The following NRXN1 variants were observed in gnomAD, a reference collection of about 807,000 sequenced individuals.
NRXN1 encodes the protein neurexin 1.
A neutral mutation model predicts 150.9 loss-of-function variants in NRXN1; 39 were observed. That is an observed-to-expected ratio of 0.26 (90% CI 0.20 to 0.34). The LOEUF (loss-of-function observed/expected upper bound fraction) is 0.34. Ranked by LOEUF, NRXN1 falls within the 10% of genes least tolerant of loss-of-function variation. The pLI is 1.00. For synonymous variants in NRXN1, 924 were observed against 757.0 expected (o/e 1.22, Z -3.62); for missense variants, 1,815 against 1,949.9 (o/e 0.93, Z 1.30).
chr2:50,392,763 A>G (rs2081808042), intron 17 of NRXN1, among the ~76,000 whole-genome samples: 1 of 152,088 alleles, frequency 6.6e-6, no homozygotes, highest in African/African-American at 2.4e-5. Flanking sequence ...AAGTTTTCAA[A>G]TGGGTATCCT....
chr2:49,983,360 TACTC>T (rs1355774266), intron 21 of NRXN1, among the ~76,000 whole-genome samples: 73 of 152,316 alleles, frequency 4.8e-4, no homozygotes, highest in African/African-American at 1.6e-3. Context: ...GTCAATGTGA[TACTC>T]AAGTCAAAAT....
At chr2:50,520,111 C>T (rs1199397204) in intron 12 of NRXN1, among the ~76,000 whole-genome samples, 1 of 151,784 alleles carries the variant, frequency 6.6e-6, no homozygotes, top group Non-Finnish European at 1.5e-5. Flanking sequence ...GTATTATGTG[C>T]TATAAGGGCA....
At chr2:50,874,391 A>C in intron 5 of NRXN1, among the ~76,000 whole-genome samples, 1 of 151,724 alleles carries the variant, frequency 6.6e-6, no homozygotes, top group East Asian at 2.0e-4. Context: ...TAAAATGGGC[A>C]TTTTTCCATC....
intron 17 of NRXN1, among the ~76,000 whole-genome samples, chr2:50,264,729 G>C (rs1218391388): frequency 6.6e-6 from 1 of 151,952 alleles, no homozygotes; most frequent in Admixed American, 6.6e-5. Context: ...ACAGATTTTT[G>C]AGTGTTCTGT....
At chr2:50,961,580 T>A (rs1194633217) in intron 2 of NRXN1, among the ~76,000 whole-genome samples, 1 of 151,790 alleles carries the variant, frequency 6.6e-6, no homozygotes, top group Non-Finnish European at 1.5e-5. Flanking sequence ...AATACTTAAA[T>A]CTAGGAAGTT....
intron 21 of NRXN1, among the ~76,000 whole-genome samples, chr2:50,000,968 A>G (rs1401900134): frequency 6.6e-6 from 1 of 152,186 alleles, no homozygotes; most frequent in African/African-American, 2.4e-5. Flanking sequence ...AATTTCAGAT[A>G]AGATAAAAGT....
At chr2:49,940,978 T>C (rs1320570069) in intron 22 of NRXN1, among the ~76,000 whole-genome samples, 1 of 152,104 alleles carries the variant, frequency 6.6e-6, no homozygotes, top group Non-Finnish European at 1.5e-5. Flanking sequence ...AAAGTTAAAC[T>C]AGGCTTGGTA....
chr2:50,619,888 A>T, intron 8 of NRXN1, 134 bp downstream of exon 8: 1 of 731,584 alleles, frequency 1.4e-6, no homozygotes. Flanking sequence ...CTACATAAAC[A>T]ATAGTAGAAT....
At chr2:50,049,083 T>C (rs746716294) in intron 21 of NRXN1, among the ~76,000 whole-genome samples, 2 of 152,162 alleles carry the variant, frequency 1.3e-5, no homozygotes, top group Non-Finnish European at 1.5e-5. Flanking sequence ...ATTATTCTTA[T>C]GAAGTATGCT....
At chr2:50,069,847 G>A (rs113198239) in intron 19 of NRXN1, among the ~76,000 whole-genome samples, 2 of 63,852 alleles carry the variant, frequency 3.1e-5, no homozygotes, top group African/African-American at 1.0e-4. Context: ...GATTTTGGGG[G>A]TTTTTTTTTT....
In NRXN1 at chr2:50,845,880, A is replaced by G. The variant is rs146820710; in HGVS notation, c.832+75989T>C. ...TGAGGGAAAAAAAACCAGAAAATTT[A>G]TGTGAAAGCTCACTTTGACTGACAA... On this transcript the variant is annotated intron_variant, in intron 5 of 22. Transcript: ENST00000401669. Among the ~76,000 whole-genome samples the G allele has an allele frequency of 5.1e-3, 773 of 152,326 alleles. 7 individuals carry two copies. The highest frequency in any genetic ancestry group is 0.018 in the African/African-American group (737 of 41,580).
At chr2:50,743,710 C>T (rs1416901825) in intron 5 of NRXN1, among the ~76,000 whole-genome samples, 1 of 152,128 alleles carries the variant, frequency 6.6e-6, no homozygotes, top group African/African-American at 2.4e-5. Flanking sequence ...ACTACAGTCC[C>T]ATCTTCTCCT....
chr2:50,063,353 G>A (rs1363039), intron 19 of NRXN1, among the ~76,000 whole-genome samples: 113,206 of 152,024 alleles, frequency 0.74, 43,091 homozygotes, highest in African/African-American at 0.91. Flanking sequence ...TGTAAAAGCC[G>A]AATACACATA....
chr2:50,620,003 T>C lies in NRXN1; in HGVS notation c.1320+19A>G, dbSNP rs201399154. ...TGAGACCATGAATTAGGAATGATTCTGATGGCAACGATATTTACCTCTTTG... is the reference window on the plus strand; with the variant it reads ...TGAGACCATGAATTAGGAATGATTCCGATGGCAACGATATTTACCTCTTTG... On this transcript the variant is annotated intron_variant, in intron 8 of 22. Coordinates refer to ENST00000401669, the MANE Select transcript of NRXN1 (RefSeq NM_001330078.2). 153 of 1,551,694 alleles carry C rather than the reference T, an allele frequency of 9.9e-5. 1 individual carries two copies. Among genetic ancestry groups the C allele is most frequent in the Non-Finnish European group, 1.3e-4 (150 of 1,146,374 alleles).
At chr2:50,150,169 T>G (rs1010814984) in intron 18 of NRXN1, among the ~76,000 whole-genome samples, 1 of 151,770 alleles carries the variant, frequency 6.6e-6, no homozygotes, top group African/African-American at 2.4e-5. Context: ...TTGCTCAAAC[T>G]ACAATTCAAT....
intron 2 of NRXN1, among the ~76,000 whole-genome samples, chr2:51,011,793 A>G (rs780368300): frequency 1.3e-5 from 2 of 152,008 alleles, no homozygotes; most frequent in Non-Finnish European, 2.9e-5. Context: ...GAGCAGTACT[A>G]TTTATAAAGG....
rs774998572 is a variant in NRXN1, at chr2:50,385,679, T to G, written c.3364+79763A>C. ...TTTCCAAGCTTGTTCTCACACAGCCTAAGAGCTGCCTTTTTTCAACCTTCA... is the reference window on the plus strand; with the variant it reads ...TTTCCAAGCTTGTTCTCACACAGCCGAAGAGCTGCCTTTTTTCAACCTTCA... On this transcript the variant is annotated intron_variant, in intron 17 of 22. Coordinates refer to ENST00000401669, the MANE Select transcript of NRXN1 (RefSeq NM_001330078.2). Among the ~76,000 whole-genome samples, 37 of 152,296 alleles carry G rather than the reference T, an allele frequency of 2.4e-4. 1 individual carries two copies. Among genetic ancestry groups the G allele is most frequent in the Non-Finnish European group, 4.4e-4 (30 of 68,022 alleles).
At chr2:50,379,821 A>G (rs1334019185) in intron 17 of NRXN1, among the ~76,000 whole-genome samples, 2 of 152,184 alleles carry the variant, frequency 1.3e-5, no homozygotes, top group Non-Finnish European at 2.9e-5. Flanking sequence ...TTAAGTCCCT[A>G]AAACATTTGT....
At chr2:50,753,848 A>T (rs1700879396) in intron 5 of NRXN1, among the ~76,000 whole-genome samples, 1 of 151,702 alleles carries the variant, frequency 6.6e-6, no homozygotes, top group Non-Finnish European at 1.5e-5. Flanking sequence ...TTGTGTGTGT[A>T]AAGTGTGACT....
Sources: gnomAD v4.1 joint callset for allele counts (sites outside exome capture counted in the v4.1 genomes callset) on GRCh38, gnomAD v4.1.1 for gene constraint, MANE v1.5 for transcripts, NCBI Gene and HGNC (gene_info 2026-07-23, HGNC 2026-07-21) for gene names.